SLC44A1: variants seen among roughly 807,000 people sequenced by gnomAD.
SLC44A1 encodes choline transporter-like protein 1.
A neutral mutation model predicts 79.3 loss-of-function variants in SLC44A1; 26 were observed. The ratio of observed to expected loss-of-function variants is 0.33; its 90% CI spans 0.24 to 0.46. The LOEUF is 0.46. SLC44A1 is among the 20% of genes least tolerant of loss of function. The probability of loss-of-function intolerance (pLI) is 1.00; values close to 1 mark genes in which losing one functional copy is unlikely to be tolerated. For missense variants in SLC44A1, 688 were observed against 798.1 expected (o/e 0.86, Z 1.66); for synonymous variants, 263 against 286.2 (o/e 0.92, Z 0.82).
intron 4 of SLC44A1, among the ~76,000 whole-genome samples, chr9:105,337,301 A>T (rs1019493410): frequency 1.3e-5 from 2 of 152,156 alleles, no homozygotes; most frequent in African/African-American, 4.8e-5. Context: ...TGGGCAAATT[A>T]CTTGACTTCT....
At chr9:105,383,895 C>T (rs1402481608) in intron 14 of SLC44A1, among the ~76,000 whole-genome samples, 1 of 152,092 alleles carries the variant, frequency 6.6e-6, no homozygotes, top group Non-Finnish European at 1.5e-5. Context: ...AAGATCTGAA[C>T]CTTTACACAG....
At chr9:105,372,527 C>A (rs1828135830) in intron 12 of SLC44A1, among the ~76,000 whole-genome samples, 1 of 151,888 alleles carries the variant, frequency 6.6e-6, no homozygotes, top group Non-Finnish European at 1.5e-5. Flanking sequence ...TGACCTCAGG[C>A]AATCCACCTG....
intron 15 of SLC44A1, among the ~76,000 whole-genome samples, chr9:105,422,093 C>G (rs1251008680): frequency 6.6e-6 from 1 of 152,052 alleles, no homozygotes; most frequent in Non-Finnish European, 1.5e-5. Flanking sequence ...ATAAGGAAGT[C>G]CACCAACTTC....
intron 13 of SLC44A1, among the ~76,000 whole-genome samples, chr9:105,380,558 T>C (rs13297419): frequency 0.015 from 2,238 of 152,098 alleles, 24 homozygotes; most frequent in Non-Finnish European, 0.023. Context: ...ATATTTACAT[T>C]TATTTATCAA....
At chr9:105,438,240 C>T (rs1829488775) in intron 15 of SLC44A1, 2 of 1,537,950 alleles carry the variant, frequency 1.3e-6, no homozygotes, top group South Asian at 1.2e-5. Context: ...GTCATGTTCC[C>T]CTAGGACAGA....
At chr9:105,356,038 C>T in intron 5 of SLC44A1, 174 bp from the exon 6 acceptor site, 2 of 592,728 alleles carry the variant, frequency 3.4e-6, no homozygotes, top group Non-Finnish European at 5.9e-6. Context: ...ATTTGCATCA[C>T]TACCCATGAC....
chr9:105,341,892 C>G (rs1253479446), intron 4 of SLC44A1, among the ~76,000 whole-genome samples: 1 of 152,190 alleles, frequency 6.6e-6, no homozygotes, highest in Non-Finnish European at 1.5e-5. Flanking sequence ...CTTATACATA[C>G]TATCCAAGTG....
intron 1 of SLC44A1, among the ~76,000 whole-genome samples, chr9:105,260,501 A>C (rs1030068588): frequency 6.6e-6 from 1 of 152,158 alleles, no homozygotes; most frequent in Non-Finnish European, 1.5e-5. Flanking sequence ...ACTAAGAATC[A>C]CTCAGCTCTG....
intron 15 of SLC44A1, among the ~76,000 whole-genome samples, chr9:105,417,852 A>C (rs1441310629): frequency 2.0e-5 from 3 of 151,542 alleles, no homozygotes; most frequent in South Asian, 2.1e-4. Flanking sequence ...AAAAAAAAAA[A>C]AAAAAAACAA....
intron 12 of SLC44A1, among the ~76,000 whole-genome samples, chr9:105,366,905 A>G (rs1827958647): frequency 6.7e-6 from 1 of 150,306 alleles, no homozygotes; most frequent in South Asian, 2.1e-4. Context: ...ACTAGCTACT[A>G]TCATTCGAAC....
intron 2 of SLC44A1, among the ~76,000 whole-genome samples, chr9:105,306,487 T>A (rs767672706): frequency 6.6e-6 from 1 of 152,054 alleles, no homozygotes; most frequent in Non-Finnish European, 1.5e-5. Context: ...GCTTGTACCG[T>A]GTGAGAAGTC....
intron 1 of SLC44A1, among the ~76,000 whole-genome samples, chr9:105,292,758 GT>G (rs1473605556): frequency 1.3e-5 from 2 of 152,068 alleles, no homozygotes; most frequent in Non-Finnish European, 2.9e-5. Flanking sequence ...TCATGCTATC[GT>G]AGTACTTGGT....
At chr9:105,296,593 G>A (rs1254253730) in intron 1 of SLC44A1, among the ~76,000 whole-genome samples, 5 of 152,128 alleles carry the variant, frequency 3.3e-5, no homozygotes, top group Non-Finnish European at 7.4e-5. Flanking sequence ...AACAAATACA[G>A]CATTTCAAAG....
intron 15 of SLC44A1, among the ~76,000 whole-genome samples, chr9:105,426,615 A>C (rs900161500): frequency 2.6e-5 from 4 of 152,162 alleles, no homozygotes; most frequent in African/African-American, 9.7e-5. Flanking sequence ...ATTTCTTCTC[A>C]TTTATAGACA....
At chr9:105,290,366 A>G (rs1197096064) in intron 1 of SLC44A1, among the ~76,000 whole-genome samples, 1 of 152,226 alleles carries the variant, frequency 6.6e-6, no homozygotes, top group African/African-American at 2.4e-5. Flanking sequence ...ATGTGATAGG[A>G]AAAAAATGAA....
At chr9:105,385,788 GT>G (rs1284580139) in intron 15 of SLC44A1, 5 of 985,288 alleles carry the variant, frequency 5.1e-6, no homozygotes, top group Non-Finnish European at 6.0e-6. Context: ...TAAAACTGCT[GT>G]TGCTCTTGTT....
chr9:105,425,823 A>AAAAC (rs1048231773), intron 15 of SLC44A1, among the ~76,000 whole-genome samples: 11 of 152,138 alleles, frequency 7.2e-5, no homozygotes, highest in African/African-American at 2.2e-4. Context: ...ACTCTGTCAA[A>AAAAC]AAACAAACAA....
chr9:105,322,284 C>G (rs779272540), intron 3 of SLC44A1, among the ~76,000 whole-genome samples: 1 of 152,100 alleles, frequency 6.6e-6, no homozygotes, highest in South Asian at 2.1e-4. Flanking sequence ...TTGGACTTTA[C>G]GTGTGTGTGC....
Position 105,395,679 on chromosome 9 carries a change from C to T in SLC44A1, c.*6623C>T, listed in dbSNP as rs1039468346. 1.0e-6 allele frequency: 1 copy of T among 985,236 alleles called. No individual in the cohort carries two copies. The highest frequency in any genetic ancestry group is 1.2e-6 in the Non-Finnish European group (1 of 829,876). 61.0% of individuals were successfully genotyped at this position (985,236 alleles called of 1,614,324 possible). ...GACTTAAAGGGAATATTCTGACCTT[C>T]GTGTATGAATCTGATCCACCCATCC... On this transcript the variant is annotated 3_prime_UTR_variant, in exon 16 of 16. Transcript: ENST00000374720.
Sources: allele counts gnomAD v4.1 joint callset (sites outside exome capture counted in the v4.1 genomes callset), GRCh38; gene constraint gnomAD v4.1.1; transcripts MANE v1.5; gene names NCBI Gene and HGNC (gene_info 2026-07-23, HGNC 2026-07-21).